Variants in BBX observed in about 807,000 individuals in gnomAD.
BBX encodes BBX high mobility group box domain containing.
Under a neutral mutation model 100.2 loss-of-function variants are expected in BBX, and 30 were observed. The observed-to-expected ratio is 0.30, with a 90% CI of 0.22 to 0.41. The LOEUF is 0.41. Ranked by LOEUF, BBX falls within the 10% of genes least tolerant of loss-of-function variation. BBX has a pLI of 1.00. For synonymous variants in BBX, 376 were observed against 388.1 expected, an observed-to-expected ratio of 0.97 and a Z score of 0.37; for missense variants, 1,023 against 1,129.8, an observed-to-expected ratio of 0.91 and a Z score of 1.35.
intron 3 of BBX, among the ~76,000 whole-genome samples, chr3:107,657,349 A>T (rs1467495193): frequency 6.6e-6 from 1 of 152,158 alleles, no homozygotes; most frequent in East Asian, 1.9e-4. Context: ...AGTTTTAAGG[A>T]TTCCTTCAAT....
At chr3:107,596,439 T>C (rs2053671407) in intron 2 of BBX, among the ~76,000 whole-genome samples, 1 of 152,158 alleles carries the variant, frequency 6.6e-6, no homozygotes, top group African/African-American at 2.4e-5. Context: ...AAGAAGGTAA[T>C]GGTATTAACA....
intron 2 of BBX, among the ~76,000 whole-genome samples, chr3:107,544,219 C>A (rs2049052769): frequency 6.6e-6 from 1 of 152,186 alleles, no homozygotes; most frequent in Admixed American, 6.5e-5. Flanking sequence ...CGACTCTATT[C>A]TGCTCCTTTG....
chr3:107,616,556 G>GT (rs2055301684), intron 2 of BBX, among the ~76,000 whole-genome samples: 1 of 151,912 alleles, frequency 6.6e-6, no homozygotes, highest in African/African-American at 2.4e-5. Context: ...TGGTGCTATC[G>GT]TTTTTTGTGT....
intron 3 of BBX, among the ~76,000 whole-genome samples, chr3:107,685,734 A>G (rs903133857): frequency 2.6e-5 from 4 of 152,180 alleles, no homozygotes; most frequent in African/African-American, 9.7e-5. Context: ...TTTTCATTCA[A>G]CTTTTCTAAT....
intron 2 of BBX, among the ~76,000 whole-genome samples, chr3:107,618,531 T>C (rs948475201): frequency 6.6e-6 from 1 of 152,062 alleles, no homozygotes; most frequent in Non-Finnish European, 1.5e-5. Context: ...AAAAAGTATT[T>C]AGTGCTACAG....
chr3:107,673,108 G>A (rs1282376013), intron 3 of BBX, among the ~76,000 whole-genome samples: 2 of 152,006 alleles, frequency 1.3e-5, no homozygotes, highest in African/African-American at 4.8e-5. Context: ...TTTGAATGAA[G>A]TAAAGTAGGA....
chr3:107,709,325 A>G (rs1439975375), intron 3 of BBX, among the ~76,000 whole-genome samples: 2 of 152,210 alleles, frequency 1.3e-5, no homozygotes, highest in East Asian at 1.9e-4. Context: ...AACCTATACC[A>G]TATTCTCTGA....
intron 7 of BBX, among the ~76,000 whole-genome samples, chr3:107,735,509 T>C (rs544503044): frequency 6.6e-6 from 1 of 152,212 alleles, no homozygotes; most frequent in South Asian, 2.1e-4. Flanking sequence ...TGAAATATTA[T>C]TCTTAAACAG....
At chr3:107,628,690 T>C (rs1264013849) in intron 2 of BBX, among the ~76,000 whole-genome samples, 6 of 152,170 alleles carry the variant, frequency 3.9e-5, no homozygotes, top group African/African-American at 1.2e-4. Context: ...AGGTGTGTCA[T>C]CAAATAGTTG....
chr3:107,760,887 A>C (rs2065845098), intron 10 of BBX, among the ~76,000 whole-genome samples: 1 of 152,210 alleles, frequency 6.6e-6, no homozygotes, highest in African/African-American at 2.4e-5. Flanking sequence ...TAAAACTTCA[A>C]ATAAATATAG....
intron 9 of BBX, among the ~76,000 whole-genome samples, chr3:107,752,028 G>C (rs980832511): frequency 6.6e-6 from 1 of 152,210 alleles, no homozygotes; most frequent in Non-Finnish European, 1.5e-5. Flanking sequence ...AGGCCTAAAA[G>C]CCATGACCAA....
intron 3 of BBX, among the ~76,000 whole-genome samples, chr3:107,685,650 C>T (rs1397659987): frequency 6.6e-6 from 1 of 152,202 alleles, no homozygotes; most frequent in Non-Finnish European, 1.5e-5. Context: ...TAATGCCTTA[C>T]AGGCATTCTC....
intron 7 of BBX, among the ~76,000 whole-genome samples, chr3:107,739,976 T>A (rs1411595813): frequency 1.3e-5 from 2 of 152,074 alleles, no homozygotes; most frequent in Non-Finnish European, 2.9e-5. Flanking sequence ...TAGGAGAACT[T>A]GACTCATGGG....
intron 2 of BBX, among the ~76,000 whole-genome samples, chr3:107,634,015 TG>T (rs1379094006): frequency 3.3e-5 from 5 of 152,244 alleles, no homozygotes; most frequent in Non-Finnish European, 7.3e-5. Flanking sequence ...TTCACAGTGT[TG>T]GCTCATATTA....
intron 2 of BBX, among the ~76,000 whole-genome samples, chr3:107,626,491 T>A (rs1459330093): frequency 1.3e-5 from 2 of 152,152 alleles, no homozygotes; most frequent in African/African-American, 4.8e-5. Context: ...TCAGGGTATC[T>A]CATGAAGTAC....
intron 7 of BBX, among the ~76,000 whole-genome samples, chr3:107,742,100 C>T (rs1279637067): frequency 3.9e-5 from 6 of 152,078 alleles, no homozygotes; most frequent in African/African-American, 7.2e-5. Flanking sequence ...ATTTTTCTTA[C>T]GTTGACAACT....
intron 2 of BBX, among the ~76,000 whole-genome samples, chr3:107,607,877 A>C (rs1166023621): frequency 1.3e-5 from 2 of 152,056 alleles, no homozygotes; most frequent in Non-Finnish European, 2.9e-5. Context: ...GTCTAGTCAG[A>C]TCTTTTGGCC....
Position 107,710,579 on chromosome 3 carries a change from CAGAAGAGGA to C in BBX, c.132_140del (p.Glu44_Glu46del), listed in dbSNP as rs1284274759. 5.0e-6 allele frequency: 8 copies of C among 1,613,410 alleles called. No homozygotes were observed. The highest frequency in any genetic ancestry group is 1.3e-5 in the African/African-American group (1 of 74,790). On this transcript the variant is annotated inframe_deletion, in exon 4 of 18. Coordinates refer to ENST00000325805, the MANE Select transcript of BBX (RefSeq NM_001142568.3). ...CTAGCAAAGAAACTTCTTGATTTTTCAGAAGAGGAAGAAGAGGAAGACGAAGAGGAGGAT... is the reference window on the plus strand; with the variant it reads ...CTAGCAAAGAAACTTCTTGATTTTTCAGAAGAGGAAGACGAAGAGGAGGAT...
chr3:107,658,777 G>A (rs928955407), intron 3 of BBX, among the ~76,000 whole-genome samples: 1 of 151,984 alleles, frequency 6.6e-6, no homozygotes, highest in African/African-American at 2.4e-5. Context: ...TTAAATGTAG[G>A]TGTCATTATT....
Sources: allele counts gnomAD v4.1 joint callset (sites outside exome capture counted in the v4.1 genomes callset), GRCh38; gene constraint gnomAD v4.1.1; transcripts MANE v1.5; gene names NCBI Gene and HGNC (gene_info 2026-07-23, HGNC 2026-07-21).